The following DOK5 variants were observed in gnomAD, a reference collection of about 807,000 sequenced individuals.
DOK5 encodes docking protein 5, also known as downstream of tyrosine kinase 5.
DOK5 carries 27 observed loss-of-function variants against 43.3 expected under a neutral mutation model. That is an observed-to-expected ratio of 0.62 (90% CI 0.46 to 0.86). The LOEUF is 0.86. Among genes scored for constraint, DOK5 ranks in the 40% least tolerant of loss-of-function variants. DOK5 has a pLI of 0.00. For synonymous variants in DOK5, 146 were observed against 140.1 expected (o/e 1.04, Z -0.30); for missense variants, 373 against 392.9 (o/e 0.95, Z 0.43).
At chr20:54,504,682 A>G (rs910139650) in intron 1 of DOK5, among the ~76,000 whole-genome samples, 6 of 152,220 alleles carry the variant, frequency 3.9e-5, no homozygotes, top group Non-Finnish European at 8.8e-5. Context: ...AACGAATGAA[A>G]TGATGAACTA....
At chr20:54,498,225 T>A (rs1031414988) in intron 1 of DOK5, among the ~76,000 whole-genome samples, 4 of 152,222 alleles carry the variant, frequency 2.6e-5, no homozygotes, top group African/African-American at 9.6e-5. Flanking sequence ...AATTATTGTG[T>A]CATTGTCAGA....
chr20:54,518,002 C>T (rs2146693744), intron 1 of DOK5, among the ~76,000 whole-genome samples: 1 of 152,244 alleles, frequency 6.6e-6, no homozygotes, highest in Middle Eastern at 3.4e-3. Flanking sequence ...CCCAAATGGA[C>T]TCAGCCTTAC....
At chr20:54,484,400 C>T (rs919404231) in intron 1 of DOK5, among the ~76,000 whole-genome samples, 1 of 149,102 alleles carries the variant, frequency 6.7e-6, no homozygotes, top group Non-Finnish European at 1.5e-5. Context: ...AAGTTAAGAT[C>T]AATATTTCAT....
intron 1 of DOK5, among the ~76,000 whole-genome samples, chr20:54,519,176 T>G (rs1983306191): frequency 6.6e-6 from 1 of 152,196 alleles, no homozygotes; most frequent in Admixed American, 6.6e-5. Context: ...CCAACATAAG[T>G]TTGATTAACT....
In DOK5 at chr20:54,524,828, C is replaced by G. The variant is rs902995975; in HGVS notation, c.67-30105C>G. ...CATGCTCTTGAGCTTATAGCTGAAA[C>G]TGATCTATGCCAGTCTTTCTTTAAT... On this transcript the variant is annotated intron_variant, in intron 1 of 7. Coordinates refer to ENST00000262593, the MANE Select transcript of DOK5 (RefSeq NM_018431.5). 4.6e-5 allele frequency among the ~76,000 whole-genome samples: 7 copies of G among 152,300 alleles called. No individual in the cohort carries two copies. In the East Asian group the frequency reaches 9.6e-4, roughly 21 times the overall value.
At position 54,541,336 on chromosome 20, in the gene DOK5, C is replaced by T. The variant is rs147372283; in HGVS notation, c.67-13597C>T. Among the ~76,000 whole-genome samples the T allele has an allele frequency of 3.6e-3, 547 of 152,312 alleles. 2 individuals carry two copies. Among genetic ancestry groups the T allele is most frequent in the African/African-American group, 0.012 (499 of 41,578 alleles). ...CCCGACCTGCGCCTTTCCTGCCCTACGGTACCTGAAGTTGGATTATATCAC... is the reference window on the plus strand; with the variant it reads ...CCCGACCTGCGCCTTTCCTGCCCTATGGTACCTGAAGTTGGATTATATCAC... On this transcript the variant is annotated intron_variant, in intron 1 of 7. Transcript: ENST00000262593.
At chr20:54,636,631 C>T (rs982347576) in intron 6 of DOK5, among the ~76,000 whole-genome samples, 7 of 152,172 alleles carry the variant, frequency 4.6e-5, no homozygotes, top group African/African-American at 1.4e-4. Flanking sequence ...TAACCCCTTG[C>T]CTGCCAAACT....
intron 2 of DOK5, among the ~76,000 whole-genome samples, chr20:54,580,960 G>A (rs1985619875): frequency 6.6e-6 from 1 of 152,040 alleles, no homozygotes; most frequent in Non-Finnish European, 1.5e-5. Context: ...CAAGACCACT[G>A]TCATAAAGCC....
intron 6 of DOK5, among the ~76,000 whole-genome samples, chr20:54,618,415 C>T (rs929788965): frequency 5.9e-5 from 9 of 151,690 alleles, no homozygotes; most frequent in Admixed American, 5.9e-4. Context: ...ATGATCTCAG[C>T]TCACTGAAAC....
At chr20:54,582,024 C>G (rs1036323893) in intron 2 of DOK5, among the ~76,000 whole-genome samples, 5 of 151,838 alleles carry the variant, frequency 3.3e-5, no homozygotes, top group Non-Finnish European at 7.4e-5. Flanking sequence ...ATATGGTCTT[C>G]ATCATGTTGA....
intron 2 of DOK5, among the ~76,000 whole-genome samples, chr20:54,571,857 A>G (rs769232708): frequency 3.3e-5 from 5 of 152,094 alleles, no homozygotes; most frequent in African/African-American, 7.2e-5. Context: ...CCTGTTGCCA[A>G]CTTCCTCCCA....
chr20:54,615,002 G>A (rs1169290491), intron 6 of DOK5, among the ~76,000 whole-genome samples: 1 of 152,182 alleles, frequency 6.6e-6, no homozygotes, highest in East Asian at 1.9e-4. Context: ...CTGCTGACTT[G>A]CTTCTATGAG....
chr20:54,650,561 G>GC lies in DOK5; in HGVS notation c.*82_*83insC. ...AGGAGGTCACAGAATGACAGCAAGG[G>GC]AAATGACGACCAAGAGAAGAAGCTT... is the stretch of plus-strand genomic sequence containing the variant. On this transcript the variant is annotated 3_prime_UTR_variant, in exon 8 of 8. Transcript: ENST00000262593. 7.4e-7 allele frequency: 1 copy of GC among 1,357,602 alleles called. No individual in the cohort carries two copies. The highest frequency in any genetic ancestry group is 1.2e-5 in the South Asian group (1 of 81,260). 84.1% of individuals were successfully genotyped at this position (1,357,602 alleles called of 1,614,324 possible).
chr20:54,546,997 A>G (rs1984370276), intron 1 of DOK5, among the ~76,000 whole-genome samples: 1 of 152,188 alleles, frequency 6.6e-6, no homozygotes, highest in African/African-American at 2.4e-5. Flanking sequence ...AGAAGGCATA[A>G]TTACTTCCAT....
intron 6 of DOK5, among the ~76,000 whole-genome samples, chr20:54,612,562 G>A (rs898245445): frequency 1.3e-5 from 2 of 151,522 alleles, no homozygotes; most frequent in East Asian, 1.9e-4. Flanking sequence ...TCTGATGGAG[G>A]CCAGAATAGA....
Position 54,475,756 on chromosome 20 carries a change from G to C in DOK5, c.-191G>C. On this transcript the variant is annotated 5_prime_UTR_variant, in exon 1 of 8. Coordinates refer to ENST00000262593, the MANE Select transcript of DOK5 (RefSeq NM_018431.5). The surrounding 1 kb of genome is among the most constrained non-coding windows in gnomAD (Gnocchi z 4.2). ...CCCCGAAAGTGGCTGCAAGCCGGCC[G>C]CCCACTGTCAGGGTTGGGGGGACAG... The C allele has an allele frequency of 1.4e-6, 1 of 694,004 alleles. No homozygotes were observed. Among genetic ancestry groups the C allele is most frequent in the East Asian group, 2.9e-5 (1 of 35,030 alleles). 43.0% of individuals were successfully genotyped at this position (694,004 alleles called of 1,614,324 possible). A position where few individuals can be genotyped will look rare whatever the true frequency, so the allele number is the denominator to read the frequency against.
chr20:54,500,585 G>C (rs149023743), intron 1 of DOK5, among the ~76,000 whole-genome samples: 3,853 of 141,910 alleles, frequency 0.027, 174 homozygotes, highest in African/African-American at 0.094. Context: ...TTTTGAGATG[G>C]AGTTTCACTC....
chr20:54,606,760 C>A (rs761335393), intron 5 of DOK5, among the ~76,000 whole-genome samples: 1 of 152,062 alleles, frequency 6.6e-6, no homozygotes, highest in Non-Finnish European at 1.5e-5. Context: ...ATAGAAGAGA[C>A]CTGATGGAAG....
chr20:54,592,485 C>T (rs1986006700), intron 5 of DOK5, among the ~76,000 whole-genome samples: 2 of 151,902 alleles, frequency 1.3e-5, no homozygotes, highest in Admixed American at 6.6e-5. Flanking sequence ...ATCCTATTTT[C>T]CTTGTCCTTC....
Sources: allele counts gnomAD v4.1 joint callset (sites outside exome capture counted in the v4.1 genomes callset), GRCh38; gene constraint gnomAD v4.1.1; non-coding constraint Gnocchi (gnomAD v3.1); transcripts MANE v1.5; gene names NCBI Gene and HGNC (gene_info 2026-07-23, HGNC 2026-07-21).